C12orf42: variants seen among roughly 807,000 people sequenced by gnomAD.
C12orf42 encodes chromosome 12 open reading frame 42, also known as uncharacterized protein C12orf42.
A neutral mutation model predicts 21.6 loss-of-function variants in C12orf42; 25 were observed. The observed-to-expected ratio is 1.16, with a 90% CI of 0.84 to 1.62. C12orf42 has a LOEUF of 1.62. Ranked by LOEUF, C12orf42 falls within the 40% of genes most tolerant of loss-of-function variation. The pLI, the probability that C12orf42 is intolerant of heterozygous loss-of-function variation, is 0.00. For synonymous variants in C12orf42, 174 were observed against 175.0 expected, an observed-to-expected ratio of 0.99 and a Z score of 0.05; for missense variants, 483 against 459.3, an observed-to-expected ratio of 1.05 and a Z score of -0.47.
the C12orf42 span, among the ~76,000 whole-genome samples, chr12:103,121,684 T>C: frequency 1.3e-5 from 2 of 152,226 alleles, no homozygotes; most frequent in East Asian, 1.9e-4. Context: ...GTATTTCTCA[T>C]GTGTGAAGTC....
intron 4 of C12orf42, among the ~76,000 whole-genome samples, chr12:103,365,554 T>A (rs2137807598): frequency 6.6e-6 from 1 of 152,118 alleles, no homozygotes; most frequent in East Asian, 1.9e-4. Flanking sequence ...TTGCTGATGA[T>A]ATGATTGTAT....
chr12:103,206,046 T>C, the C12orf42 span, among the ~76,000 whole-genome samples: 844 of 152,320 alleles, frequency 5.5e-3, 5 homozygotes, highest in African/African-American at 0.019. Flanking sequence ...AACTGGGAAT[T>C]ACTCTTGGCC....
chr12:103,101,569 A>G, the C12orf42 span, among the ~76,000 whole-genome samples: 4 of 152,170 alleles, frequency 2.6e-5, no homozygotes, highest in Non-Finnish European at 5.9e-5. Context: ...TCACTCCTAA[A>G]TCTCTATCTA....
chr12:103,484,078 T>C (rs572646584), intron 1 of C12orf42, among the ~76,000 whole-genome samples: 6 of 152,364 alleles, frequency 3.9e-5, no homozygotes, highest in African/African-American at 1.2e-4. Flanking sequence ...ACATTTAGGT[T>C]GGTTCCAAGT....
intron 1 of C12orf42, among the ~76,000 whole-genome samples, chr12:103,490,306 T>G (rs759999198): frequency 6.6e-6 from 1 of 152,238 alleles, no homozygotes; most frequent in Non-Finnish European, 1.5e-5. Flanking sequence ...TAAATGCATC[T>G]TACAATGTTT....
At chr12:103,352,870 T>A (rs1397970364) in intron 4 of C12orf42, among the ~76,000 whole-genome samples, 1 of 152,110 alleles carries the variant, frequency 6.6e-6, no homozygotes, top group African/African-American at 2.4e-5. Flanking sequence ...ACCTGGCACA[T>A]AGTCAAGTTC....
chr12:103,050,544 C>T, the C12orf42 span, among the ~76,000 whole-genome samples: 2 of 151,972 alleles, frequency 1.3e-5, no homozygotes, highest in Non-Finnish European at 1.5e-5. Flanking sequence ...ATTGTGTTCT[C>T]GTGGCTTTAT....
intron 5 of C12orf42, among the ~76,000 whole-genome samples, chr12:103,274,181 C>T (rs2035630420): frequency 6.6e-6 from 1 of 152,166 alleles, no homozygotes; most frequent in African/African-American, 2.4e-5. Context: ...GAGTTTGAGG[C>T]AGAGAGACGC....
the C12orf42 span, among the ~76,000 whole-genome samples, chr12:103,549,234 G>A: frequency 6.6e-6 from 1 of 152,122 alleles, no homozygotes; most frequent in South Asian, 2.1e-4. Flanking sequence ...TTATTAGGTT[G>A]GGTTGGTTTG....
intron 4 of C12orf42, among the ~76,000 whole-genome samples, chr12:103,319,544 C>G (rs1208403935): frequency 1.3e-5 from 2 of 152,154 alleles, no homozygotes; most frequent in Non-Finnish European, 2.9e-5. Context: ...CTCGACAGAC[C>G]CTATTCTTGC....
chr12:103,258,592 T>G (rs2034731827), intron 10 of C12orf42, among the ~76,000 whole-genome samples: 1 of 151,892 alleles, frequency 6.6e-6, no homozygotes. Context: ...TCAGATATGA[T>G]AGTCCAAGAG....
rs112391717 is a variant in C12orf42 at position 103,356,937 on chromosome 12, C to T, written c.259+11950G>A. On this transcript the variant is annotated intron_variant, in intron 4 of 5. Coordinates refer to ENST00000548883, the MANE Select transcript of C12orf42 (RefSeq NM_198521.5). ...AGTGGCACATATACACCATGGAATA[C>T]TATATACACCATGGAATACTATGCA... Among the ~76,000 whole-genome samples, 287 of 151,702 alleles carry T rather than the reference C, an allele frequency of 1.9e-3. 1 individual carries two copies. The highest frequency in any genetic ancestry group is 6.4e-3 in the African/African-American group (265 of 41,368).
intron 4 of C12orf42, among the ~76,000 whole-genome samples, chr12:103,289,802 G>A (rs911490121): frequency 1.3e-5 from 2 of 152,178 alleles, no homozygotes; most frequent in African/African-American, 4.8e-5. Flanking sequence ...TAAGAAAAAT[G>A]TATGAAAGGA....
chr12:103,540,274 G>A, the C12orf42 span, among the ~76,000 whole-genome samples: 1 of 152,288 alleles, frequency 6.6e-6, no homozygotes, highest in Non-Finnish European at 1.5e-5. Context: ...CCAAAGTGCT[G>A]AGATTACAGG....
chr12:103,418,799 G>T (rs978240213), intron 2 of C12orf42, among the ~76,000 whole-genome samples: 8 of 151,604 alleles, frequency 5.3e-5, no homozygotes, highest in African/African-American at 1.9e-4. Flanking sequence ...ACTATTTTAG[G>T]AAGCTCATTT....
intron 3 of C12orf42, among the ~76,000 whole-genome samples, chr12:103,374,625 G>T (rs1253105670): frequency 2.0e-5 from 3 of 151,948 alleles, no homozygotes. Flanking sequence ...GTCCAATCTT[G>T]GGCCACACAC....
the C12orf42 span, among the ~76,000 whole-genome samples, chr12:103,065,930 C>T: frequency 6.6e-6 from 1 of 152,170 alleles, no homozygotes; most frequent in Non-Finnish European, 1.5e-5. Flanking sequence ...TCTGTTCAAG[C>T]TCTGTCCAAG....
intron 3 of C12orf42, among the ~76,000 whole-genome samples, chr12:103,398,806 T>C (rs2047743666): frequency 6.6e-6 from 1 of 152,162 alleles, no homozygotes; most frequent in Non-Finnish European, 1.5e-5. Flanking sequence ...ATATATTCTG[T>C]TCAGTTCCAC....
At chr12:103,084,117 T>C in the C12orf42 span, among the ~76,000 whole-genome samples, 1 of 152,236 alleles carries the variant, frequency 6.6e-6, no homozygotes, top group Admixed American at 6.5e-5. Context: ...ATTTATGTAG[T>C]ATTTCTGTGA....
Sources: gnomAD v4.1 joint callset for allele counts (sites outside exome capture counted in the v4.1 genomes callset) on GRCh38, gnomAD v4.1.1 for gene constraint, MANE v1.5 for transcripts, NCBI Gene and HGNC (gene_info 2026-07-23, HGNC 2026-07-21) for gene names.